The following UBTD2 variants were observed in gnomAD, a reference collection of about 807,000 sequenced individuals.
UBTD2 encodes ubiquitin domain containing 2.
A neutral mutation model predicts 19.8 loss-of-function variants in UBTD2; 9 were observed. The observed-to-expected ratio is 0.46, with a 90% CI of 0.27 to 0.79. UBTD2 has a LOEUF of 0.79. Ranked by LOEUF, UBTD2 falls within the 30% of genes least tolerant of loss-of-function variation. The probability of loss-of-function intolerance (pLI) is 0.14; values close to 1 mark genes in which losing one functional copy is unlikely to be tolerated. For synonymous variants in UBTD2, 98 were observed against 103.9 expected (o/e 0.94, Z 0.35); for missense variants, 250 against 300.4 (o/e 0.83, Z 1.24).
At chr5:172,246,697 G>T (rs1000398528) in intron 1 of UBTD2, among the ~76,000 whole-genome samples, 2 of 146,938 alleles carry the variant, frequency 1.4e-5, no homozygotes, top group South Asian at 2.2e-4. Context: ...GCCCGCCTTG[G>T]CCTCCTAAAG....
chr5:172,268,346 T>C (rs1755419009), intron 1 of UBTD2, among the ~76,000 whole-genome samples: 1 of 152,150 alleles, frequency 6.6e-6, no homozygotes, highest in South Asian at 2.1e-4. Context: ...AGAGTGTGGA[T>C]CTACTGTAGC....
At chr5:172,226,607 T>C (rs1561851746) in intron 2 of UBTD2, among the ~76,000 whole-genome samples, 2 of 152,170 alleles carry the variant, frequency 1.3e-5, no homozygotes, top group Non-Finnish European at 2.9e-5. Flanking sequence ...AAAATTTGAG[T>C]CCATGGCTTC....
chr5:172,268,027 A>T (rs1441092619), intron 1 of UBTD2, among the ~76,000 whole-genome samples: 1 of 152,232 alleles, frequency 6.6e-6, no homozygotes, highest in African/African-American at 2.4e-5. Context: ...TTTTCTCTCC[A>T]ATGCCATTAT....
rs555392614 is a variant in UBTD2, at chr5:172,274,135, C to CTTTTTTTT, written c.70+9453_70+9460dup. ...CCTCCTCATGCTCAATTTTGCTTTACTTTTTTTTTTTTTTTTTTTTTTTGA... is the reference window on the plus strand; with the variant it reads ...CCTCCTCATGCTCAATTTTGCTTTACTTTTTTTTTTTTTTTTTTTTTTTTTTTTTTTGA... On this transcript the variant is annotated intron_variant, in intron 1 of 2. Coordinates refer to ENST00000393792, the MANE Select transcript of UBTD2 (RefSeq NM_152277.3). Among the ~76,000 whole-genome samples, 257 of 108,610 alleles carry CTTTTTTTT rather than the reference C, an allele frequency of 2.4e-3. 2 individuals carry two copies. Among genetic ancestry groups the CTTTTTTTT allele is most frequent in the South Asian group, 3.4e-3 (11 of 3,220 alleles). The allele number at this position is 108,610 out of a possible 152,430, so 71.3% of individuals were successfully genotyped here.
chr5:172,247,075 T>C (rs13162542), intron 1 of UBTD2, among the ~76,000 whole-genome samples: 2,171 of 152,038 alleles, frequency 0.014, 18 homozygotes, highest in Middle Eastern at 0.024. Flanking sequence ...TTTTAAAGAT[T>C]CGACTACATG....
At chr5:172,273,505 C>CA (rs1231119725) in intron 1 of UBTD2, among the ~76,000 whole-genome samples, 2 of 147,392 alleles carry the variant, frequency 1.4e-5, no homozygotes, top group Non-Finnish European at 3.0e-5. Flanking sequence ...GCAGGAGAAT[C>CA]GCTTGAACCT....
At chr5:172,256,083 C>T (rs1022582639) in intron 1 of UBTD2, among the ~76,000 whole-genome samples, 27 of 151,954 alleles carry the variant, frequency 1.8e-4, no homozygotes, top group South Asian at 4.1e-4. Flanking sequence ...AAGCCAAACT[C>T]TGTCTCAAAA....
At chr5:172,239,089 A>G (rs1308838670) in intron 1 of UBTD2, among the ~76,000 whole-genome samples, 3 of 69,718 alleles carry the variant, frequency 4.3e-5, no homozygotes, top group Non-Finnish European at 8.8e-5. Context: ...CTAACTGCCA[A>G]AAAAAAATAG....
chr5:172,219,716 T>C (rs1771614660), intron 2 of UBTD2, among the ~76,000 whole-genome samples: 1 of 152,224 alleles, frequency 6.6e-6, no homozygotes. Context: ...ACAAATTTAT[T>C]TGTGAAGTTG....
chr5:172,260,616 A>G (rs942643657), intron 1 of UBTD2, among the ~76,000 whole-genome samples: 1 of 152,228 alleles, frequency 6.6e-6, no homozygotes, highest in Non-Finnish European at 1.5e-5. Flanking sequence ...ACAATGCAGA[A>G]AGATAGTCTC....
intron 1 of UBTD2, among the ~76,000 whole-genome samples, chr5:172,251,984 C>A (rs13355737): frequency 6.6e-6 from 1 of 151,926 alleles, no homozygotes; most frequent in African/African-American, 2.4e-5. Context: ...AAAGATTTAA[C>A]GAGGTAATAT....
intron 1 of UBTD2, among the ~76,000 whole-genome samples, chr5:172,244,791 C>T (rs1305741273): frequency 1.3e-5 from 2 of 151,830 alleles, no homozygotes; most frequent in Admixed American, 6.6e-5. Context: ...TGCAATGGTG[C>T]GATCTCGGCT....
chr5:172,225,722 C>A (rs1771749819), intron 2 of UBTD2, among the ~76,000 whole-genome samples: 1 of 152,112 alleles, frequency 6.6e-6, no homozygotes, highest in Admixed American at 6.6e-5. Context: ...CCACTTTAAA[C>A]ATGCTGTTTA....
chr5:172,273,823 T>TA (rs1477896157), intron 1 of UBTD2, among the ~76,000 whole-genome samples: 3 of 152,142 alleles, frequency 2.0e-5, no homozygotes. Context: ...CCTTGACCTA[T>TA]ATATTAGGTT....
At chr5:172,246,751 C>CTTTTTTTTTTTT (rs70982379) in intron 1 of UBTD2, among the ~76,000 whole-genome samples, 1 of 62,482 alleles carries the variant, frequency 1.6e-5, no homozygotes, top group Admixed American at 2.3e-4. Context: ...GCCGAGATTG[C>CTTTTTTTTTTTT]TTTTTTTTTT....
At chr5:172,245,901 C>G (rs984098545) in intron 1 of UBTD2, among the ~76,000 whole-genome samples, 1 of 152,122 alleles carries the variant, frequency 6.6e-6, no homozygotes, top group African/African-American at 2.4e-5. Flanking sequence ...CCTGCTGAAA[C>G]AAAACAAAAT....
intron 1 of UBTD2, among the ~76,000 whole-genome samples, chr5:172,274,962 G>C (rs1013515593): frequency 2.6e-5 from 4 of 152,198 alleles, no homozygotes; most frequent in African/African-American, 4.8e-5. Context: ...CATGAACCCA[G>C]CAGGTGGAGT....
At chr5:172,264,800 C>G (rs1347672777) in intron 1 of UBTD2, among the ~76,000 whole-genome samples, 4 of 151,908 alleles carry the variant, frequency 2.6e-5, no homozygotes, top group Non-Finnish European at 5.9e-5. Flanking sequence ...GGCTTGAGCC[C>G]AGGAGGTCAA....
chr5:172,282,742 C>A (rs944903818), intron 1 of UBTD2, among the ~76,000 whole-genome samples: 3 of 152,272 alleles, frequency 2.0e-5, no homozygotes, highest in African/African-American at 7.2e-5. Flanking sequence ...TATTATACTG[C>A]CATACTACAA....
Sources: allele counts gnomAD v4.1 joint callset (sites outside exome capture counted in the v4.1 genomes callset), GRCh38; gene constraint gnomAD v4.1.1; transcripts MANE v1.5; gene names NCBI Gene and HGNC (gene_info 2026-07-23, HGNC 2026-07-21).